MGMT: variants seen among roughly 807,000 people sequenced by gnomAD.
MGMT encodes the protein methylated-DNA--protein-cysteine methyltransferase.
In MGMT, 14 loss-of-function variants were observed where a neutral mutation model predicts 15.9. The observed-to-expected ratio is 0.88, with a 90% CI of 0.58 to 1.37. The LOEUF is 1.37. MGMT is among the 40% of genes most tolerant of loss of function. The probability of loss-of-function intolerance (pLI) is 0.00; values close to 1 mark genes in which losing one functional copy is unlikely to be tolerated. For synonymous variants in MGMT, 130 were observed against 118.2 expected (o/e 1.10, Z -0.65); for missense variants, 282 against 268.1 (o/e 1.05, Z -0.36).
At chr10:129,591,060 G>A (rs1255314166) in intron 2 of MGMT, among the ~76,000 whole-genome samples, 1 of 152,216 alleles carries the variant, frequency 6.6e-6, no homozygotes, top group Non-Finnish European at 1.5e-5. Flanking sequence ...GCAAGCACCT[G>A]TGGCAGCTGG....
intron 2 of MGMT, among the ~76,000 whole-genome samples, chr10:129,656,772 C>G (rs929096319): frequency 6.6e-6 from 1 of 152,046 alleles, no homozygotes; most frequent in Non-Finnish European, 1.5e-5. Context: ...TCAGAGATGT[C>G]TTTCTCTCTG....
chr10:129,737,972 A>G (rs1185267662), intron 3 of MGMT, among the ~76,000 whole-genome samples: 1 of 152,182 alleles, frequency 6.6e-6, no homozygotes, highest in Non-Finnish European at 1.5e-5. Context: ...TCAGACAGGG[A>G]CATTTAAGTC....
chr10:129,757,189 A>G lies in MGMT; in HGVS notation c.275-2013A>G, dbSNP rs1190352656. Among the ~76,000 whole-genome samples, 7 of 152,228 alleles carry G rather than the reference A, an allele frequency of 4.6e-5. No homozygotes were observed. The South Asian group carries it at 1.0e-3, about 23-fold the overall frequency. Reference sequence around the variant, plus strand: ...AATGGTTTCCCATGAGAAACTGACAATGAAGCTGAACATGTTTGATAAACT... The same window carrying G: ...AATGGTTTCCCATGAGAAACTGACAGTGAAGCTGAACATGTTTGATAAACT... On this transcript the variant is annotated intron_variant, in intron 3 of 4. Transcript: ENST00000651593.
intron 1 of MGMT, among the ~76,000 whole-genome samples, chr10:129,493,484 C>T (rs1460818550): frequency 6.6e-6 from 1 of 152,178 alleles, no homozygotes; most frequent in Non-Finnish European, 1.5e-5. Context: ...TATTCAATAT[C>T]TAGTGCATCG....
At chr10:129,698,261 G>A (rs1848054964) in intron 2 of MGMT, among the ~76,000 whole-genome samples, 1 of 152,214 alleles carries the variant, frequency 6.6e-6, no homozygotes, top group African/African-American at 2.4e-5. Flanking sequence ...CATAGCGTTT[G>A]CATGACAGAC....
At chr10:129,585,574 T>TA (rs1269906266) in intron 2 of MGMT, among the ~76,000 whole-genome samples, 1 of 152,220 alleles carries the variant, frequency 6.6e-6, no homozygotes, top group African/African-American at 2.4e-5. Flanking sequence ...CCATATTTTT[T>TA]AAATCATCTC....
chr10:129,599,990 G>A (rs1239177191), intron 2 of MGMT, among the ~76,000 whole-genome samples: 1 of 152,062 alleles, frequency 6.6e-6, no homozygotes, highest in African/African-American at 2.4e-5. Context: ...AGGTAGGTAG[G>A]TAGGTAGGTA....
intron 2 of MGMT, among the ~76,000 whole-genome samples, chr10:129,658,693 A>C (rs113296119): frequency 1.2e-3 from 187 of 152,342 alleles, no homozygotes; most frequent in Non-Finnish European, 2.0e-3. Context: ...CAAGAAAGTA[A>C]GTTTAGTTGA....
intron 2 of MGMT, among the ~76,000 whole-genome samples, chr10:129,567,358 C>A (rs1425792502): frequency 6.6e-6 from 1 of 152,152 alleles, no homozygotes; most frequent in Non-Finnish European, 1.5e-5. Context: ...GGACAGACCC[C>A]CCCAGAGAGC....
At position 129,566,655 on chromosome 10, in the gene MGMT, T is replaced by C. The variant is rs1030293638; in HGVS notation, c.125+30278T>C. On this transcript the variant is annotated intron_variant, in intron 2 of 4. Coordinates refer to ENST00000651593, the MANE Select transcript of MGMT (RefSeq NM_002412.5). The surrounding 1 kb of genome is among the most constrained non-coding windows in gnomAD (Gnocchi z 4.1). ...ATTTTTGCTGTTTCTCTTCTCCCAC[T>C]GTTGGTCGTTGGCTGGATCTCGTTG... Among the ~76,000 whole-genome samples the C allele has an allele frequency of 6.6e-6, 1 of 152,084 alleles. No individual in the cohort carries two copies. Among genetic ancestry groups the C allele is most frequent in the Non-Finnish European group, 1.5e-5 (1 of 68,010 alleles).
chr10:129,588,161 C>A (rs1328852399), intron 2 of MGMT, among the ~76,000 whole-genome samples: 1 of 152,168 alleles, frequency 6.6e-6, no homozygotes, highest in Non-Finnish European at 1.5e-5. Flanking sequence ...GGACCTCAGT[C>A]CTATCAGTGC....
chr10:129,498,307 C>T (rs1300327852), intron 1 of MGMT, among the ~76,000 whole-genome samples: 2 of 152,148 alleles, frequency 1.3e-5, no homozygotes, highest in East Asian at 3.9e-4. Context: ...GTAATTAATA[C>T]CTTGGGGGAG....
At chr10:129,513,558 A>G (rs1564839053) in intron 1 of MGMT, among the ~76,000 whole-genome samples, 1 of 152,084 alleles carries the variant, frequency 6.6e-6, no homozygotes, top group African/African-American at 2.4e-5. Flanking sequence ...TGCCAGGTCT[A>G]GGAGTGCAGG....
At chr10:129,681,962 C>T (rs1237057684) in intron 2 of MGMT, among the ~76,000 whole-genome samples, 1 of 152,140 alleles carries the variant, frequency 6.6e-6, no homozygotes, top group Non-Finnish European at 1.5e-5. Context: ...AGAGGAGATA[C>T]GTAGGACCAT....
chr10:129,730,445 A>T (rs189092482), intron 3 of MGMT, among the ~76,000 whole-genome samples: 1 of 152,312 alleles, frequency 6.6e-6, no homozygotes, highest in East Asian at 1.9e-4. Flanking sequence ...GTGCGTATTC[A>T]TTCTACTGCA....
Position 129,659,311 on chromosome 10 carries a change from C to T in MGMT, c.126-48584C>T, listed in dbSNP as rs1020300496. Among the ~76,000 whole-genome samples, 1 of 150,642 alleles carries T rather than the reference C, an allele frequency of 6.6e-6. No homozygotes were observed. The highest frequency in any genetic ancestry group is 1.5e-5 in the Non-Finnish European group (1 of 67,958). ...GGCGGAGGTTGCAGTGAGCCAAGAT[C>T]GCACCACTGCGCTCCAGCCTGGGTG... On this transcript the variant is annotated intron_variant, in intron 2 of 4. Transcript: ENST00000651593. The surrounding 1 kb of genome is among the most constrained non-coding windows in gnomAD (Gnocchi z 4.1).
At chr10:129,664,212 A>T (rs1360247420) in intron 2 of MGMT, among the ~76,000 whole-genome samples, 1 of 152,222 alleles carries the variant, frequency 6.6e-6, no homozygotes, top group Admixed American at 6.5e-5. Context: ...GCAAAAAGGA[A>T]GGAAAAAAGT....
intron 2 of MGMT, among the ~76,000 whole-genome samples, chr10:129,571,950 A>G (rs1156585498): frequency 2.0e-5 from 3 of 152,202 alleles, no homozygotes; most frequent in Non-Finnish European, 2.9e-5. Context: ...CCATTTGACA[A>G]TTCACGGTGC....
At chr10:129,475,041 G>A (rs1052774673) in intron 1 of MGMT, among the ~76,000 whole-genome samples, 1 of 152,140 alleles carries the variant, frequency 6.6e-6, no homozygotes, top group Non-Finnish European at 1.5e-5. Context: ...GGTTGAAGAT[G>A]TTGAAGAAGT....
Sources: gnomAD v4.1 joint callset for allele counts (sites outside exome capture counted in the v4.1 genomes callset) on GRCh38, gnomAD v4.1.1 for gene constraint, Gnocchi (gnomAD v3.1) non-coding constraint, MANE v1.5 for transcripts, NCBI Gene and HGNC (gene_info 2026-07-23, HGNC 2026-07-21) for gene names.